ADAMTS17: variants seen among roughly 807,000 people sequenced by gnomAD.
ADAMTS17 encodes the protein A disintegrin and metalloproteinase with thrombospondin motifs 17.
In ADAMTS17, 113 loss-of-function variants were observed where a neutral mutation model predicts 141.5. The observed-to-expected ratio is 0.80, with a 90% CI of 0.69 to 0.93. The LOEUF (loss-of-function observed/expected upper bound fraction) is 0.93, where lower values mean the gene tolerates loss of function less well. Ranked by LOEUF, ADAMTS17 falls within the 40% of genes least tolerant of loss-of-function variation. The probability of loss-of-function intolerance (pLI) is 0.00; values close to 1 mark genes in which losing one functional copy is unlikely to be tolerated. For missense variants in ADAMTS17, 1,659 were observed against 1,517.9 expected (o/e 1.09, Z -1.54); for synonymous variants, 768 against 630.6 (o/e 1.22, Z -3.27).
intron 12 of ADAMTS17, among the ~76,000 whole-genome samples, chr15:100,130,520 G>A (rs974454422): frequency 1.3e-4 from 20 of 152,180 alleles, no homozygotes; most frequent in Admixed American, 2.6e-4. Flanking sequence ...TCACTGACCA[G>A]ACTAGGAGCA....
At chr15:100,304,389 C>T (rs1052807225) in intron 3 of ADAMTS17, among the ~76,000 whole-genome samples, 12 of 152,124 alleles carry the variant, frequency 7.9e-5, no homozygotes, top group African/African-American at 2.2e-4. Context: ...CCTTATAATT[C>T]GCAAATTTTG....
chr15:100,211,163 ATGG>A (rs1368465995), intron 7 of ADAMTS17, among the ~76,000 whole-genome samples: 7 of 150,900 alleles, frequency 4.6e-5, no homozygotes, highest in Admixed American at 1.3e-4. Context: ...TTAGCAGGGC[ATGG>A]TGGCCTGTGC....
intron 6 of ADAMTS17, chr15:100,256,347 A>G (rs2043326329): frequency 6.6e-6 from 1 of 152,244 alleles, no homozygotes; most frequent in East Asian, 1.9e-4. Context: ...CGCGGGGTCC[A>G]TATTTTCATT....
At chr15:100,131,882 G>A in intron 12 of ADAMTS17, 125 bp downstream of exon 12, 1 of 1,475,300 alleles carries the variant, frequency 6.8e-7, no homozygotes, top group African/African-American at 1.4e-5. Context: ...CCTTGGCTGG[G>A]TTTCATTTTC....
intron 14 of ADAMTS17, among the ~76,000 whole-genome samples, chr15:100,106,920 G>C (rs1053609660): frequency 2.0e-5 from 3 of 152,208 alleles, no homozygotes; most frequent in Non-Finnish European, 4.4e-5. Flanking sequence ...GCAGCCAGGA[G>C]GGGCCAGCTC....
chr15:100,142,758 A>G (rs2038719758), intron 10 of ADAMTS17, among the ~76,000 whole-genome samples: 1 of 152,204 alleles, frequency 6.6e-6, no homozygotes, highest in African/African-American at 2.4e-5. Flanking sequence ...CCAAAAGGCA[A>G]TTAACGAGAA....
chr15:100,010,746 G>A (rs530222614), intron 18 of ADAMTS17, among the ~76,000 whole-genome samples: 1 of 152,220 alleles, frequency 6.6e-6, no homozygotes, highest in Non-Finnish European at 1.5e-5. Flanking sequence ...ACAGATGTCT[G>A]CAAAGGAGTG....
chr15:100,312,686 G>A (rs1190016569), intron 3 of ADAMTS17, among the ~76,000 whole-genome samples: 2 of 152,146 alleles, frequency 1.3e-5, no homozygotes, highest in Non-Finnish European at 2.9e-5. Context: ...ACCAAATGAG[G>A]CAATCAGGGT....
At chr15:100,091,864 A>G (rs1289862693) in intron 15 of ADAMTS17, among the ~76,000 whole-genome samples, 4 of 152,146 alleles carry the variant, frequency 2.6e-5, no homozygotes, top group African/African-American at 9.7e-5. Context: ...AAAGTTATTC[A>G]CAAGAATATT....
At chr15:100,253,863 C>CCT in intron 7 of ADAMTS17, among the ~76,000 whole-genome samples, 1 of 152,300 alleles carries the variant, frequency 6.6e-6, no homozygotes, top group African/African-American at 2.4e-5. Flanking sequence ...CCCCCAACTG[C>CCT]AGACCCCTTG....
chr15:100,170,391 G>A lies in ADAMTS17; in HGVS notation c.1182-15071C>T, dbSNP rs541847237. On this transcript the variant is annotated intron_variant, in intron 8 of 21. Coordinates refer to ENST00000268070, the MANE Select transcript of ADAMTS17 (RefSeq NM_139057.4). ...GTCCAGAGAGAAGCAACCTGCCCACGGCCTCACAGCCAGCCGCGGAAAGTC... is the reference window on the plus strand; with the variant it reads ...GTCCAGAGAGAAGCAACCTGCCCACAGCCTCACAGCCAGCCGCGGAAAGTC... 1.4e-4 allele frequency among the ~76,000 whole-genome samples: 21 copies of A among 152,186 alleles called. No individual in the cohort carries two copies. In the South Asian group the frequency reaches 3.7e-3, roughly 27 times the overall value.
chr15:100,036,498 G>T (rs1021454751), intron 18 of ADAMTS17, among the ~76,000 whole-genome samples: 1 of 152,208 alleles, frequency 6.6e-6, no homozygotes, highest in African/African-American at 2.4e-5. Context: ...GCTCTGGGCT[G>T]GTGTGTCAGC....
chr15:100,075,509 T>A (rs1465086906), intron 15 of ADAMTS17, among the ~76,000 whole-genome samples: 1 of 152,228 alleles, frequency 6.6e-6, no homozygotes. Flanking sequence ...AGTGGCTCCA[T>A]AAAATGTGAC....
intron 3 of ADAMTS17, among the ~76,000 whole-genome samples, chr15:100,317,013 A>C (rs1238074919): frequency 6.6e-6 from 1 of 152,152 alleles, no homozygotes; most frequent in Admixed American, 6.5e-5. Context: ...AACAGCAATC[A>C]TCATAGTTTT....
chr15:100,124,364 A>G (rs1166701624), intron 12 of ADAMTS17, among the ~76,000 whole-genome samples: 2 of 152,262 alleles, frequency 1.3e-5, no homozygotes, highest in African/African-American at 4.8e-5. Context: ...CAAATGGCAA[A>G]TAAGGAAACA....
At position 100,109,004 on chromosome 15, in the gene ADAMTS17, C is replaced by T; in HGVS notation, c.2001G>A (p.Val667=). The part of the protein sequence containing the change: ...PCGPYETDLC[V]HGKCQKIGCD... Reference sequence around the variant, plus strand: ...AGTACGTCACCTGGCACTTGCCGTGCACGCAGAGATCAGTCTCGTAGGGCC... The same window carrying T: ...AGTACGTCACCTGGCACTTGCCGTGTACGCAGAGATCAGTCTCGTAGGGCC... Residue 667 remains valine (V), a synonymous_variant, in exon 14 of 22, where the codon GTG becomes GTA. Transcript: ENST00000268070. 2.5e-6 allele frequency: 4 copies of T among 1,614,088 alleles called. No individual in the cohort carries two copies. The highest frequency in any genetic ancestry group is 3.4e-6 in the Non-Finnish European group (4 of 1,180,034).
chr15:100,183,350 C>T (rs2040591307), intron 8 of ADAMTS17, among the ~76,000 whole-genome samples: 1 of 151,990 alleles, frequency 6.6e-6, no homozygotes, highest in South Asian at 2.1e-4. Flanking sequence ...ATTTTTTTTC[C>T]AGTGTATTTT....
At chr15:99,995,039 G>A (rs1351059588) in intron 19 of ADAMTS17, among the ~76,000 whole-genome samples, 3 of 151,634 alleles carry the variant, frequency 2.0e-5, no homozygotes, top group Non-Finnish European at 4.4e-5. Context: ...AAGGGTCCCC[G>A]GATGCCAGGG....
In ADAMTS17 at chr15:100,051,496, G is replaced by A. The variant is rs548122657; in HGVS notation, c.2455+76C>T. The A allele has an allele frequency of 2.0e-5, 32 of 1,601,156 alleles. No homozygotes were observed. In the Admixed American group the frequency reaches 2.7e-4, roughly 13 times the overall value. On this transcript the variant is annotated intron_variant, in intron 17 of 21. Transcript: ENST00000268070. ...AGGTTGCAGATGTCTCACACTCTGC[G>A]TGCTGGCCACAGATGCCTTTCTCCT...
Sources: allele counts gnomAD v4.1 joint callset (sites outside exome capture counted in the v4.1 genomes callset), GRCh38; gene constraint gnomAD v4.1.1; transcripts MANE v1.5; gene names NCBI Gene and HGNC (gene_info 2026-07-23, HGNC 2026-07-21).